CTNNA2: variants seen among roughly 807,000 people sequenced by gnomAD.
CTNNA2 encodes catenin alpha-2.
In CTNNA2, 42 loss-of-function variants were observed where a neutral mutation model predicts 101.0. That is an observed-to-expected ratio of 0.42 (90% CI 0.32 to 0.54). The LOEUF is 0.54. Among genes scored for constraint, CTNNA2 ranks in the 20% least tolerant of loss-of-function variants. The pLI, the probability that CTNNA2 is intolerant of heterozygous loss-of-function variation, is 0.14. For synonymous variants in CTNNA2, 450 were observed against 456.4 expected (o/e 0.99, Z 0.18); for missense variants, 871 against 1,223.1 (o/e 0.71, Z 4.29).
intron 2 of CTNNA2, among the ~76,000 whole-genome samples, chr2:79,660,991 G>A (rs1384124237): frequency 6.6e-6 from 1 of 152,166 alleles, no homozygotes; most frequent in Admixed American, 6.5e-5. Context: ...CTTGATGGAT[G>A]ATACTGTTTT....
intron 7 of CTNNA2, among the ~76,000 whole-genome samples, chr2:80,275,470 GA>G (rs1194338883): frequency 4.6e-5 from 7 of 152,162 alleles, no homozygotes; most frequent in Admixed American, 2.0e-4. Flanking sequence ...ATTGAATGAT[GA>G]TTTTTTTATT....
intron 9 of CTNNA2, among the ~76,000 whole-genome samples, chr2:80,529,250 T>A (rs1339898727): frequency 6.6e-6 from 1 of 152,200 alleles, no homozygotes; most frequent in African/African-American, 2.4e-5. Context: ...TGTAGGTGTT[T>A]TAACCGCCCT....
chr2:79,354,272 CCAACTTGCTTATTCTCTCTCCATCTCTCT>C (rs1677456764), intron 3 of CTNNA2, among the ~76,000 whole-genome samples: 1 of 152,128 alleles, frequency 6.6e-6, no homozygotes, highest in African/African-American at 2.4e-5. Context: ...AATATGTTTT[CCAACTTGCTTATTCTCTCTCCATCTCTCT>C]CAGGAATGCC....
intron 2 of CTNNA2, among the ~76,000 whole-genome samples, chr2:79,310,050 A>T (rs72917261): frequency 0.086 from 13,056 of 152,124 alleles, 612 homozygotes; most frequent in African/African-American, 0.1. Context: ...TGATTTATTT[A>T]TGTTGGTATT....
chr2:80,399,702 C>T (rs1164359659), intron 8 of CTNNA2, among the ~76,000 whole-genome samples: 1 of 152,178 alleles, frequency 6.6e-6, no homozygotes, highest in Non-Finnish European at 1.5e-5. Context: ...CAGATAATGT[C>T]TGTGTTTGGT....
intron 4 of CTNNA2, among the ~76,000 whole-genome samples, chr2:79,414,605 G>A (rs1678456938): frequency 6.6e-6 from 1 of 152,068 alleles, no homozygotes; most frequent in Non-Finnish European, 1.5e-5. Context: ...ACCTTGAGTT[G>A]TGGCAGGCTT....
chr2:79,809,838 T>C (rs1405984942), intron 3 of CTNNA2, among the ~76,000 whole-genome samples: 1 of 152,196 alleles, frequency 6.6e-6, no homozygotes, highest in African/African-American at 2.4e-5. Flanking sequence ...CTTTTGGTGT[T>C]TTAGTCATGG....
chr2:79,494,659 T>C (rs1045126547), intron 4 of CTNNA2, among the ~76,000 whole-genome samples: 12 of 152,106 alleles, frequency 7.9e-5, no homozygotes, highest in Non-Finnish European at 1.2e-4. Flanking sequence ...TAAGTCAAAA[T>C]GGATTATAGA....
intron 2 of CTNNA2, among the ~76,000 whole-genome samples, chr2:79,297,992 A>G (rs1415455923): frequency 1.3e-5 from 2 of 152,218 alleles, no homozygotes; most frequent in Non-Finnish European, 2.9e-5. Flanking sequence ...AGTTTAGTCA[A>G]GGCATCATTA....
intron 1 of CTNNA2, among the ~76,000 whole-genome samples, chr2:79,649,078 C>G (rs1307943146): frequency 6.6e-6 from 1 of 152,020 alleles, no homozygotes; most frequent in Non-Finnish European, 1.5e-5. Flanking sequence ...CTAACTAACA[C>G]TTGCTTCTTG....
chr2:79,187,427 C>G (rs1673796084), intron 1 of CTNNA2, among the ~76,000 whole-genome samples: 1 of 151,750 alleles, frequency 6.6e-6, no homozygotes, highest in African/African-American at 2.4e-5. Flanking sequence ...CTGAGTCTCC[C>G]AAGTAGCTGG....
At chr2:79,555,218 T>G (rs1674368794) in intron 1 of CTNNA2, among the ~76,000 whole-genome samples, 1 of 152,110 alleles carries the variant, frequency 6.6e-6, no homozygotes, top group Admixed American at 6.6e-5. Flanking sequence ...CTTGGCAAAT[T>G]TACTCTTGCC....
intron 18 of CTNNA2, among the ~76,000 whole-genome samples, chr2:80,628,611 T>G (rs1671948129): frequency 6.6e-6 from 1 of 152,060 alleles, no homozygotes; most frequent in Non-Finnish European, 1.5e-5. Context: ...TTCTTTGTAG[T>G]TTTTTGAAAC....
chr2:79,869,571 C>CACAGG, intron 4 of CTNNA2, among the ~76,000 whole-genome samples: 1 of 152,184 alleles, frequency 6.6e-6, no homozygotes. Context: ...ATATAATAAA[C>CACAGG]ACAGGATTTT....
At chr2:79,661,335 A>T (rs952880996) in intron 2 of CTNNA2, among the ~76,000 whole-genome samples, 3 of 152,222 alleles carry the variant, frequency 2.0e-5, no homozygotes, top group Non-Finnish European at 2.9e-5. Flanking sequence ...CTATTCTTCC[A>T]TCAAAATATT....
intron 7 of CTNNA2, among the ~76,000 whole-genome samples, chr2:80,026,352 C>T (rs945069688): frequency 6.6e-6 from 1 of 152,060 alleles, no homozygotes; most frequent in African/African-American, 2.4e-5. Flanking sequence ...ATTCAATGAC[C>T]CTAAGTATTC....
intron 1 of CTNNA2, among the ~76,000 whole-genome samples, chr2:79,613,713 G>A (rs1409348859): frequency 6.6e-6 from 1 of 152,074 alleles, no homozygotes; most frequent in South Asian, 2.1e-4. Context: ...TAGAGACAGG[G>A]TCTTGTTGTG....
chr2:79,877,372 G>C (rs1213951434), intron 6 of CTNNA2, among the ~76,000 whole-genome samples: 3 of 152,156 alleles, frequency 2.0e-5, no homozygotes, highest in Non-Finnish European at 4.4e-5. Context: ...TTTACAGACT[G>C]TAATGTGATT....
At chr2:80,499,285 G>A (rs944315923) in intron 9 of CTNNA2, among the ~76,000 whole-genome samples, 2 of 152,154 alleles carry the variant, frequency 1.3e-5, no homozygotes, top group Admixed American at 6.5e-5. Context: ...TATGTGAATG[G>A]TGCCCCCTGG....
Sources: allele counts gnomAD v4.1 joint callset (sites outside exome capture counted in the v4.1 genomes callset), GRCh38; gene constraint gnomAD v4.1.1; transcripts MANE v1.5; gene names NCBI Gene and HGNC (gene_info 2026-07-23, HGNC 2026-07-21).